The following AFG1L variants were observed in gnomAD, a reference collection of about 807,000 sequenced individuals.
AFG1L encodes the protein AFG1 like ATPase.
Under a neutral mutation model 62.2 loss-of-function variants are expected in AFG1L, and 53 were observed. The observed-to-expected ratio is 0.85, with a 90% CI of 0.68 to 1.07. The LOEUF (loss-of-function observed/expected upper bound fraction) is 1.07, where lower values mean the gene tolerates loss of function less well. AFG1L is among the 50% of genes least tolerant of loss of function. The pLI, the probability that AFG1L is intolerant of heterozygous loss-of-function variation, is 0.00. For missense variants in AFG1L, 555 were observed against 590.5 expected, an observed-to-expected ratio of 0.94 and a Z score of 0.62; for synonymous variants, 228 against 210.3, an observed-to-expected ratio of 1.08 and a Z score of -0.73.
chr6:108,438,230 A>G (rs1419846067), intron 7 of AFG1L, among the ~76,000 whole-genome samples: 5 of 152,192 alleles, frequency 3.3e-5, no homozygotes, highest in Non-Finnish European at 7.3e-5. Flanking sequence ...AGACTGGATG[A>G]CTTAAACCAT....
chr6:108,357,149 A>G (rs964546918), intron 5 of AFG1L, among the ~76,000 whole-genome samples: 4 of 152,092 alleles, frequency 2.6e-5, no homozygotes, highest in African/African-American at 4.8e-5. Flanking sequence ...GTGCAGTGGC[A>G]TAATCAAAGC....
chr6:108,513,652 A>C (rs1774758022), intron 11 of AFG1L, among the ~76,000 whole-genome samples: 1 of 152,294 alleles, frequency 6.6e-6, no homozygotes, highest in African/African-American at 2.4e-5. Context: ...CAGCTCAAGG[A>C]GGCTTGCCTG....
chr6:108,313,879 A>G (rs1777498959), intron 1 of AFG1L, among the ~76,000 whole-genome samples: 1 of 152,066 alleles, frequency 6.6e-6, no homozygotes, highest in Non-Finnish European at 1.5e-5. Context: ...ATAGTCTCCT[A>G]ATTTCTACTT....
At chr6:108,418,372 C>A (rs781009295) in intron 7 of AFG1L, among the ~76,000 whole-genome samples, 1 of 152,252 alleles carries the variant, frequency 6.6e-6, no homozygotes, top group East Asian at 1.9e-4. Flanking sequence ...TGGAGACTTA[C>A]GGCTTTCAAA....
chr6:108,523,605 C>CT lies in AFG1L; in HGVS notation c.*1181dup, dbSNP rs944125696. Reference sequence around the variant, plus strand: ...GAATACAATGGTCAACATAAGTAAGCTCTTTGAACCTATTTATTTTCTATT... The same window carrying CT: ...GAATACAATGGTCAACATAAGTAAGCTTCTTTGAACCTATTTATTTTCTATT... On this transcript the variant is annotated 3_prime_UTR_variant, in exon 13 of 13. Transcript: ENST00000368977. 55 of 152,214 alleles carry CT rather than the reference C, an allele frequency of 3.6e-4. No individual in the cohort carries two copies. Among genetic ancestry groups the CT allele is most frequent in the African/African-American group, 1.2e-3 (51 of 41,524 alleles). The allele number at this position is 152,214 out of a possible 1,614,324, so 9.4% of individuals were successfully genotyped here.
At chr6:108,479,256 TG>T (rs1383210922) in intron 10 of AFG1L, among the ~76,000 whole-genome samples, 1 of 152,216 alleles carries the variant, frequency 6.6e-6, no homozygotes, top group Non-Finnish European at 1.5e-5. Context: ...CCTTCCAAAG[TG>T]CTGGGATTAC....
intron 10 of AFG1L, among the ~76,000 whole-genome samples, chr6:108,499,144 C>A (rs532341835): frequency 6.7e-4 from 100 of 150,270 alleles, no homozygotes; most frequent in African/African-American, 2.3e-3. Context: ...TCTTGGTTCA[C>A]TGCAACCTCT....
intron 10 of AFG1L, among the ~76,000 whole-genome samples, chr6:108,492,024 A>G (rs1773796185): frequency 6.6e-6 from 1 of 152,264 alleles, no homozygotes; most frequent in South Asian, 2.1e-4. Flanking sequence ...CTGCATTTAC[A>G]AGACTTTAAC....
chr6:108,462,975 G>A (rs1772518473), intron 8 of AFG1L, among the ~76,000 whole-genome samples: 1 of 152,068 alleles, frequency 6.6e-6, no homozygotes, highest in South Asian at 2.1e-4. Context: ...TATTTGCTGT[G>A]TTCATTTTTA....
chr6:108,450,095 A>G (rs1006370508), intron 8 of AFG1L, among the ~76,000 whole-genome samples: 9 of 152,248 alleles, frequency 5.9e-5, no homozygotes, highest in Non-Finnish European at 4.4e-5. Context: ...AGCATGATTT[A>G]TAATCCTTTG....
chr6:108,407,805 G>A (rs774756354), intron 7 of AFG1L, among the ~76,000 whole-genome samples: 14 of 152,088 alleles, frequency 9.2e-5, no homozygotes, highest in Admixed American at 2.6e-4. Flanking sequence ...GTCTCCTGAT[G>A]TTTCTTTTAT....
intron 1 of AFG1L, chr6:108,318,209 A>C: frequency 3.5e-6 from 1 of 282,628 alleles, no homozygotes; most frequent in Non-Finnish European, 6.9e-6. Context: ...TGGCGTTATG[A>C]TAGGAAGCAG....
At chr6:108,301,455 G>T (rs1776996846) in intron 1 of AFG1L, among the ~76,000 whole-genome samples, 1 of 152,134 alleles carries the variant, frequency 6.6e-6, no homozygotes, top group Non-Finnish European at 1.5e-5. Flanking sequence ...ACTTCTTCAG[G>T]CTGAATAGGG....
At chr6:108,433,413 G>A (rs1332189200) in intron 7 of AFG1L, among the ~76,000 whole-genome samples, 1 of 151,098 alleles carries the variant, frequency 6.6e-6, no homozygotes, top group Non-Finnish European at 1.5e-5. Context: ...CCAAGTAGCT[G>A]GTACTGCAGG....
chr6:108,311,232 T>C, intron 1 of AFG1L, among the ~76,000 whole-genome samples: 1 of 152,220 alleles, frequency 6.6e-6, no homozygotes, highest in East Asian at 1.9e-4. Flanking sequence ...TTTTCTAGTG[T>C]TCCACACTGT....
intron 2 of AFG1L, among the ~76,000 whole-genome samples, chr6:108,344,033 C>T (rs764132327): frequency 2.0e-5 from 3 of 152,166 alleles, no homozygotes; most frequent in Admixed American, 1.3e-4. Flanking sequence ...ACAATCCCAG[C>T]GCTTTGGGAG....
intron 7 of AFG1L, among the ~76,000 whole-genome samples, chr6:108,404,626 T>C (rs1390945716): frequency 4.6e-5 from 7 of 152,164 alleles, no homozygotes; most frequent in Admixed American, 4.6e-4. Context: ...TCTCTCACTA[T>C]AATTGTGAAT....
At chr6:108,346,633 G>A (rs1170642647) in intron 2 of AFG1L, among the ~76,000 whole-genome samples, 1 of 152,126 alleles carries the variant, frequency 6.6e-6, no homozygotes, top group Non-Finnish European at 1.5e-5. Flanking sequence ...CTCCCAAAGT[G>A]CTCAGATTAT....
chr6:108,506,291 T>G (rs1562201449), intron 10 of AFG1L, among the ~76,000 whole-genome samples: 1 of 152,146 alleles, frequency 6.6e-6, no homozygotes, highest in African/African-American at 2.4e-5. Flanking sequence ...CACTGCAAAC[T>G]CAGACTCCCA....
Sources: gnomAD v4.1 joint callset for allele counts (sites outside exome capture counted in the v4.1 genomes callset) on GRCh38, gnomAD v4.1.1 for gene constraint, MANE v1.5 for transcripts, NCBI Gene and HGNC (gene_info 2026-07-23, HGNC 2026-07-21) for gene names.